Variants in USH2A observed in about 807,000 individuals in gnomAD.
The protein encoded by USH2A is Usher syndrome 2A (autosomal recessive, mild).
In USH2A, 443 loss-of-function variants were observed where a neutral mutation model predicts 538.9. That is an observed-to-expected ratio of 0.82 (90% CI 0.76 to 0.89). The LOEUF is 0.89. Among genes scored for constraint, USH2A ranks in the 40% least tolerant of loss-of-function variants. The probability of loss-of-function intolerance (pLI) is 0.00; values close to 1 mark genes in which losing one functional copy is unlikely to be tolerated. For missense variants in USH2A, 6,633 were observed against 6,324.8 expected (o/e 1.05, Z -1.65); for synonymous variants, 2,413 against 2,273.5 (o/e 1.06, Z -1.75).
chr1:215,921,486 C>T (rs17025596), intron 38 of USH2A, among the ~76,000 whole-genome samples: 6,145 of 152,030 alleles, frequency 0.04, 134 homozygotes, highest in Middle Eastern at 0.088. Context: ...ATTTAAAAAC[C>T]TACTAGTTCA....
intron 44 of USH2A, among the ~76,000 whole-genome samples, chr1:215,851,952 A>C (rs1664029447): frequency 6.6e-6 from 1 of 152,176 alleles, no homozygotes; most frequent in Non-Finnish European, 1.5e-5. Flanking sequence ...TGATCATCTC[A>C]ATCAATGCAG....
At chr1:216,366,419 G>A (rs1401520171) in intron 3 of USH2A, among the ~76,000 whole-genome samples, 1 of 151,920 alleles carries the variant, frequency 6.6e-6, no homozygotes, top group East Asian at 1.9e-4. Flanking sequence ...AGCATGTTTG[G>A]GAGATCTCTG....
chr1:216,225,723 A>G (rs1286404228), intron 14 of USH2A, among the ~76,000 whole-genome samples: 1 of 152,190 alleles, frequency 6.6e-6, no homozygotes, highest in African/African-American at 2.4e-5. Flanking sequence ...TTGAATAATT[A>G]TTTGAAGTTT....
intron 47 of USH2A, among the ~76,000 whole-genome samples, chr1:215,835,731 C>T (rs947115781): frequency 1.3e-5 from 2 of 152,112 alleles, no homozygotes; most frequent in Non-Finnish European, 2.9e-5. Flanking sequence ...CTCTCCAGTT[C>T]TCTGTGGAAA....
chr1:215,878,742 A>C, intron 42 of USH2A, 22 bp downstream of exon 42: 1 of 1,611,444 alleles, frequency 6.2e-7, no homozygotes, highest in Non-Finnish European at 8.5e-7. Context: ...GCAACATAAA[A>C]ATCATAGTCA....
chr1:216,051,834 G>T (rs560287920), intron 30 of USH2A, among the ~76,000 whole-genome samples: 4 of 152,198 alleles, frequency 2.6e-5, no homozygotes, highest in Admixed American at 6.5e-5. Context: ...CTCTATGATT[G>T]TACAATTTTA....
At chr1:215,873,798 T>C (rs1412567117) in intron 43 of USH2A, among the ~76,000 whole-genome samples, 1 of 94,524 alleles carries the variant, frequency 1.1e-5, no homozygotes, top group African/African-American at 5.3e-5. Context: ...CAAATTGTCA[T>C]TGCAAAAAAA....
intron 21 of USH2A, among the ~76,000 whole-genome samples, chr1:216,131,816 ATAAT>A (rs1165174346): frequency 1.3e-5 from 2 of 152,092 alleles, no homozygotes; most frequent in African/African-American, 4.8e-5. Context: ...CTAGTTGGAT[ATAAT>A]TTATTATTAA....
At chr1:215,921,408 A>C (rs1666097019) in intron 38 of USH2A, among the ~76,000 whole-genome samples, 1 of 151,936 alleles carries the variant, frequency 6.6e-6, no homozygotes, top group Admixed American at 6.6e-5. Flanking sequence ...TTCTCTTATG[A>C]CATTATAAAC....
chr1:216,420,630 G>A (rs775104560), intron 2 of USH2A, among the ~76,000 whole-genome samples: 8 of 152,074 alleles, frequency 5.3e-5, no homozygotes, highest in Non-Finnish European at 1.0e-4. Flanking sequence ...GTACAGATAT[G>A]TCCCTACAAG....
rs112222776 is a variant in USH2A at position 216,019,741 on chromosome 1, T to C, written c.6326-19179A>G. Among the ~76,000 whole-genome samples the C allele has an allele frequency of 2.8e-3, 419 of 152,290 alleles. 5 individuals carry two copies. Among genetic ancestry groups the C allele is most frequent in the African/African-American group, 9.7e-3 (404 of 41,574 alleles). ...TAATTCATCATAAAATGTCTTGCAG[T>C]TTAATTTGGAGTGATATGCTGAGCA... On this transcript the variant is annotated intron_variant, in intron 32 of 71. Coordinates refer to ENST00000307340, the MANE Select transcript of USH2A (RefSeq NM_206933.4).
intron 36 of USH2A, among the ~76,000 whole-genome samples, chr1:215,968,322 A>G (rs1667405855): frequency 6.6e-6 from 1 of 151,990 alleles, no homozygotes; most frequent in African/African-American, 2.4e-5. Flanking sequence ...CAGGAGAATC[A>G]TTGTGGGTTT....
intron 32 of USH2A, among the ~76,000 whole-genome samples, chr1:216,021,504 T>C (rs1207650164): frequency 6.6e-6 from 1 of 152,182 alleles, no homozygotes; most frequent in African/African-American, 2.4e-5. Flanking sequence ...TTTTTATAAA[T>C]TACCCAGTCT....
chr1:216,144,249 G>A (rs1037824691), intron 21 of USH2A, among the ~76,000 whole-genome samples: 1 of 152,042 alleles, frequency 6.6e-6, no homozygotes, highest in South Asian at 2.1e-4. Context: ...GACCCTTTTG[G>A]AGAACAAAGA....
At chr1:216,167,293 C>T (rs1000503875) in intron 21 of USH2A, among the ~76,000 whole-genome samples, 2 of 152,056 alleles carry the variant, frequency 1.3e-5, no homozygotes, top group African/African-American at 4.8e-5. Context: ...TACACTATCT[C>T]TCTAAAATAA....
chr1:215,677,633 A>G lies in USH2A; in HGVS notation c.12295-2017T>C, dbSNP rs75424464. Reference sequence around the variant, plus strand: ...CTTCTGCTCTCAGCAACATTTTGGCATATTTTCTCTTCTCTTTTTGGACAC... The same window carrying G: ...CTTCTGCTCTCAGCAACATTTTGGCGTATTTTCTCTTCTCTTTTTGGACAC... On this transcript the variant is annotated intron_variant, in intron 62 of 71. Coordinates refer to ENST00000307340, the MANE Select transcript of USH2A (RefSeq NM_206933.4). 7.2e-3 allele frequency among the ~76,000 whole-genome samples: 1,098 copies of G among 152,192 alleles called. 9 individuals carry two copies. Among genetic ancestry groups the G allele is most frequent in the African/African-American group, 0.025 (1,022 of 41,510 alleles).
rs1558091711 is a variant in USH2A at position 215,773,524 on chromosome 1, C to CTCTCTCTCTCTGTCTT, written c.10939+6318_10939+6319insAAGACAGAGAGAGAGA. Among the ~76,000 whole-genome samples the CTCTCTCTCTCTGTCTT allele has an allele frequency of 1.4e-3, 203 of 148,896 alleles. 2 individuals are homozygous for CTCTCTCTCTCTGTCTT. Among genetic ancestry groups the CTCTCTCTCTCTGTCTT allele is most frequent in the African/African-American group, 4.8e-3 (188 of 39,260 alleles). ...TCTCTCTCTCTCTGTCTCTCTCTCT[C>CTCTCTCTCTCTGTCTT]TCTCTCTCTGTCTTTCTCTCTCTCT... On this transcript the variant is annotated intron_variant, in intron 55 of 71. Coordinates refer to ENST00000307340, the MANE Select transcript of USH2A (RefSeq NM_206933.4).
intron 32 of USH2A, among the ~76,000 whole-genome samples, chr1:216,042,271 A>G (rs993242758): frequency 1.3e-5 from 2 of 152,056 alleles, no homozygotes; most frequent in African/African-American, 2.4e-5. Flanking sequence ...ATCAAATATT[A>G]TGAGTTTCAA....
intron 41 of USH2A, among the ~76,000 whole-genome samples, chr1:215,883,372 G>C (rs535696534): frequency 1.3e-5 from 2 of 151,544 alleles, no homozygotes; most frequent in Non-Finnish European, 2.9e-5. Flanking sequence ...TTTGGTGGGT[G>C]GGGGGGAAGT....
Sources: allele counts gnomAD v4.1 joint callset (sites outside exome capture counted in the v4.1 genomes callset), GRCh38; gene constraint gnomAD v4.1.1; transcripts MANE v1.5; gene names NCBI Gene and HGNC (gene_info 2026-07-23, HGNC 2026-07-21).